EYA3: variants seen among roughly 807,000 people sequenced by gnomAD.
EYA3 encodes protein phosphatase EYA3.
In EYA3, 39 loss-of-function variants were observed where a neutral mutation model predicts 80.0. That is an observed-to-expected ratio of 0.49 (90% CI 0.38 to 0.64). The LOEUF (loss-of-function observed/expected upper bound fraction) is 0.64. Ranked by LOEUF, EYA3 falls within the 30% of genes least tolerant of loss-of-function variation. The probability of loss-of-function intolerance (pLI) is 0.00; values close to 1 mark genes in which losing one functional copy is unlikely to be tolerated. For synonymous variants in EYA3, 206 were observed against 232.8 expected (o/e 0.88, Z 1.05); for missense variants, 523 against 676.1 (o/e 0.77, Z 2.51).
At chr1:28,077,478 A>G (rs11247749) in intron 1 of EYA3, among the ~76,000 whole-genome samples, 6,279 of 152,214 alleles carry the variant, frequency 0.041, 390 homozygotes, top group African/African-American at 0.14. Context: ...AAGTATTAAG[A>G]AGGAGGAGGT....
In EYA3 at chr1:28,013,901, A is replaced by G. The variant is rs560630669; in HGVS notation, c.586-607T>C. ...AACATGGTGAAACCCTGTTTCTACT[A>G]AAAATACAAAAATTAGCCTGGCGTG... On this transcript the variant is annotated intron_variant, in intron 8 of 17. Transcript: ENST00000373871. This position sits in a 1 kb window ranked among gnomAD's most constrained non-coding sequence, Gnocchi z 4.0. Among the ~76,000 whole-genome samples the G allele has an allele frequency of 2.6e-5, 4 of 152,206 alleles. No homozygotes were observed. In the South Asian group the frequency reaches 8.3e-4, roughly 32 times the overall value.
rs183370288 is a variant in EYA3, at chr1:27,984,148, C to T, written c.1540+4387G>A. 3.1e-3 allele frequency among the ~76,000 whole-genome samples: 472 copies of T among 152,278 alleles called. 2 individuals are homozygous for T. The highest frequency in any genetic ancestry group is 0.01 in the African/African-American group (428 of 41,552). On this transcript the variant is annotated intron_variant, in intron 16 of 17. Transcript: ENST00000373871. Reference sequence around the variant, plus strand: ...AACTCTTGGGCTCAAGTGATCCTCCCGCCTTAGCCTCTTGAGTAGCTGGGA... The same window carrying T: ...AACTCTTGGGCTCAAGTGATCCTCCTGCCTTAGCCTCTTGAGTAGCTGGGA...
chr1:28,059,393 G>T (rs972676251), intron 1 of EYA3, among the ~76,000 whole-genome samples: 6 of 152,194 alleles, frequency 3.9e-5, no homozygotes, highest in Non-Finnish European at 8.8e-5. Context: ...CATGACACAG[G>T]TAACTAGTGA....
At chr1:27,999,442 C>G (rs529959676) in intron 12 of EYA3, among the ~76,000 whole-genome samples, 1 of 152,272 alleles carries the variant, frequency 6.6e-6, no homozygotes, top group African/African-American at 2.4e-5. Context: ...TGGCACCTAA[C>G]TATAAAATTA....
At chr1:28,005,451 C>T (rs1296008474) in intron 10 of EYA3, among the ~76,000 whole-genome samples, 2 of 152,318 alleles carry the variant, frequency 1.3e-5, no homozygotes, top group East Asian at 3.9e-4. Context: ...CAGTGGCTCA[C>T]ACCTGTAAAC....
chr1:27,998,671 TG>T (rs1640620127), intron 12 of EYA3, among the ~76,000 whole-genome samples: 1 of 151,210 alleles, frequency 6.6e-6, no homozygotes, highest in African/African-American at 2.4e-5. Context: ...CTCAGGAGTT[TG>T]AGACCAGCCT....
chr1:28,073,103 T>TTCTCTATATATA (rs1447435853), intron 1 of EYA3, among the ~76,000 whole-genome samples: 2 of 37,762 alleles, frequency 5.3e-5, no homozygotes, highest in Non-Finnish European at 8.5e-5. Flanking sequence ...GATGAAACTA[T>TTCTCTATATATA]TATATATATA....
At chr1:28,025,485 G>A (rs954177281) in intron 7 of EYA3, among the ~76,000 whole-genome samples, 5 of 152,266 alleles carry the variant, frequency 3.3e-5, no homozygotes, top group African/African-American at 1.2e-4. Flanking sequence ...CTGTGACTAT[G>A]GATAAGCTAC....
intron 5 of EYA3, among the ~76,000 whole-genome samples, chr1:28,036,539 A>T (rs1337137080): frequency 6.6e-6 from 1 of 152,244 alleles, no homozygotes; most frequent in Non-Finnish European, 1.5e-5. Flanking sequence ...TCTACAAAAC[A>T]GAACCCAGGT....
chr1:28,047,814 T>C (rs1197757456), intron 3 of EYA3, among the ~76,000 whole-genome samples: 1 of 152,062 alleles, frequency 6.6e-6, no homozygotes, highest in Non-Finnish European at 1.5e-5. Context: ...AATAATTTTG[T>C]ATTTTTAGTA....
intron 10 of EYA3, among the ~76,000 whole-genome samples, chr1:28,007,627 C>T (rs1429632199): frequency 6.6e-6 from 1 of 152,006 alleles, no homozygotes; most frequent in Non-Finnish European, 1.5e-5. Flanking sequence ...CCACTGCGCC[C>T]GGCCAATCAG....
At chr1:27,997,518 C>G in intron 12 of EYA3, 140 bp from the exon 13 acceptor site, 2 of 738,840 alleles carry the variant, frequency 2.7e-6, no homozygotes, top group Non-Finnish European at 4.7e-6. Flanking sequence ...TGATCACTCT[C>G]ACACCCCTTG....
intron 1 of EYA3, among the ~76,000 whole-genome samples, chr1:28,062,275 T>C (rs1313212059): frequency 1.3e-5 from 2 of 152,220 alleles, no homozygotes; most frequent in African/African-American, 4.8e-5. Flanking sequence ...AAATTGAGAA[T>C]AGAAATAGTA....
At chr1:28,001,839 T>C (rs1640875215) in intron 11 of EYA3, among the ~76,000 whole-genome samples, 1 of 149,958 alleles carries the variant, frequency 6.7e-6, no homozygotes, top group African/African-American at 2.4e-5. Context: ...CAAGTGATCC[T>C]CCTGCCTCAG....
chr1:28,031,952 T>C (rs563148553), intron 6 of EYA3: 1 of 152,160 alleles, frequency 6.6e-6, no homozygotes. Flanking sequence ...ATCCCACTAC[T>C]GATCAGCAAT....
At chr1:28,010,699 T>G (rs941248856) in intron 10 of EYA3, 2 of 427,278 alleles carry the variant, frequency 4.7e-6, no homozygotes, top group Admixed American at 8.1e-5. Context: ...GAGAACAGTA[T>G]GACTTTACTT....
At chr1:28,063,299 A>G in intron 1 of EYA3, among the ~76,000 whole-genome samples, 1 of 123,222 alleles carries the variant, frequency 8.1e-6, no homozygotes, top group East Asian at 2.5e-4. Flanking sequence ...CCTTATATAT[A>G]TATATATTTT....
At position 28,042,670 on chromosome 1, in the gene EYA3, T is replaced by C; in HGVS notation, c.78-20A>G. ...ACTTGACTGGGAGAACCAAAATGAA[T>C]ACATTAGCCCCTGATTGATTTGCTG... On this transcript the variant is annotated intron_variant, in intron 3 of 17. Transcript: ENST00000373871. 5 of 1,599,754 alleles carry C rather than the reference T, an allele frequency of 3.1e-6. No individual in the cohort carries two copies. Among genetic ancestry groups the C allele is most frequent in the Non-Finnish European group, 4.3e-6 (5 of 1,166,818 alleles).
intron 7 of EYA3, among the ~76,000 whole-genome samples, chr1:28,023,940 A>T (rs1158137898): frequency 6.6e-6 from 1 of 152,146 alleles, no homozygotes; most frequent in Non-Finnish European, 1.5e-5. Flanking sequence ...AAAATTATTA[A>T]TAAAAAATAA....
Sources: gnomAD v4.1 joint callset for allele counts (sites outside exome capture counted in the v4.1 genomes callset) on GRCh38, gnomAD v4.1.1 for gene constraint, Gnocchi (gnomAD v3.1) non-coding constraint, MANE v1.5 for transcripts, NCBI Gene and HGNC (gene_info 2026-07-23, HGNC 2026-07-21) for gene names.